The following SEC63 variants were observed in gnomAD, a reference collection of about 807,000 sequenced individuals.
SEC63 encodes SEC63 protein translocation regulator.
SEC63 carries 56 observed loss-of-function variants against 116.2 expected under a neutral mutation model. The observed-to-expected ratio is 0.48, with a 90% CI of 0.39 to 0.60. SEC63 has a LOEUF of 0.60. Ranked by LOEUF, SEC63 falls within the 20% of genes least tolerant of loss-of-function variation. SEC63 has a pLI of 0.00. For synonymous variants in SEC63, 273 were observed against 294.6 expected, an observed-to-expected ratio of 0.93 and a Z score of 0.75; for missense variants, 668 against 900.0, an observed-to-expected ratio of 0.74 and a Z score of 3.30.
At chr6:107,941,389 G>A (rs1409404315) in intron 1 of SEC63, among the ~76,000 whole-genome samples, 2 of 151,916 alleles carry the variant, frequency 1.3e-5, no homozygotes, top group Non-Finnish European at 2.9e-5. Flanking sequence ...CTACTTAGAA[G>A]CTTCCTCAAG....
At chr6:107,948,390 T>A (rs1008488742) in intron 1 of SEC63, among the ~76,000 whole-genome samples, 2 of 152,228 alleles carry the variant, frequency 1.3e-5, no homozygotes, top group Middle Eastern at 3.4e-3. Context: ...TTCTCATGAA[T>A]AAAATGAGAT....
At chr6:107,920,620 G>A (rs914971282) in intron 4 of SEC63, among the ~76,000 whole-genome samples, 18 of 152,148 alleles carry the variant, frequency 1.2e-4, no homozygotes, top group Admixed American at 7.9e-4. Flanking sequence ...TTATTTACAC[G>A]TTTAAATTGA....
chr6:107,908,526 C>T (rs570587294), intron 8 of SEC63, among the ~76,000 whole-genome samples: 187 of 152,224 alleles, frequency 1.2e-3, no homozygotes, highest in African/African-American at 4.4e-3. Flanking sequence ...GAGAGTGTTA[C>T]TTTTCGGTGC....
At chr6:107,953,427 C>A (rs1770620482) in intron 1 of SEC63, among the ~76,000 whole-genome samples, 1 of 151,564 alleles carries the variant, frequency 6.6e-6, no homozygotes, top group Non-Finnish European at 1.5e-5. Context: ...GCCAGCCGCC[C>A]CGTCCGGGAG....
chr6:107,915,138 A>C (rs1444847682), intron 4 of SEC63, among the ~76,000 whole-genome samples: 2 of 152,214 alleles, frequency 1.3e-5, no homozygotes, highest in African/African-American at 4.8e-5. Flanking sequence ...TATAATTCAC[A>C]TTTAACAAGC....
rs937593337 is a variant in SEC63, at chr6:107,957,625, G to A, written c.124+261C>T. 8 of 300,678 alleles carry A rather than the reference G, an allele frequency of 2.7e-5. No homozygotes were observed. The Middle Eastern group carries it at 2.8e-3, about 104-fold the overall frequency. 18.6% of individuals were successfully genotyped at this position (300,678 alleles called of 1,614,324 possible). ...AGGCAGAGAAGACAAAGAGGCAGGA[G>A]GAGGCTGCAAGGAGCGTCCACAACA... On this transcript the variant is annotated intron_variant, in intron 1 of 20. Coordinates refer to ENST00000369002, the MANE Select transcript of SEC63 (RefSeq NM_007214.5).
intron 16 of SEC63, 141 bp downstream of exon 16, chr6:107,893,341 G>A (rs772206243): frequency 1.4e-6 from 1 of 730,994 alleles, no homozygotes; most frequent in East Asian, 2.7e-5. Flanking sequence ...CTCACTGACT[G>A]AGAAGAGCAC....
intron 8 of SEC63, 148 bp from the exon 9 acceptor site, chr6:107,906,925 T>A: frequency 1.5e-6 from 1 of 675,702 alleles, no homozygotes; most frequent in Non-Finnish European, 2.6e-6. Flanking sequence ...CAAGTATTTA[T>A]TTCTTCCATA....
intron 1 of SEC63, among the ~76,000 whole-genome samples, chr6:107,956,366 CA>C (rs1770711513): frequency 6.6e-6 from 1 of 152,092 alleles, no homozygotes; most frequent in Admixed American, 6.5e-5. Context: ...ATACAACAAC[CA>C]CAAGAATGGC....
At chr6:107,895,703 A>T (rs1176151516) in intron 14 of SEC63, among the ~76,000 whole-genome samples, 3 of 151,710 alleles carry the variant, frequency 2.0e-5, no homozygotes, top group Non-Finnish European at 2.9e-5. Context: ...AGTCTCTACC[A>T]GTTGACTCAG....
intron 4 of SEC63, among the ~76,000 whole-genome samples, chr6:107,921,533 C>G (rs934935659): frequency 5.9e-5 from 9 of 151,840 alleles, no homozygotes; most frequent in African/African-American, 2.2e-4. Context: ...CTCACTGCAG[C>G]CTTGACCTCC....
intron 1 of SEC63, chr6:107,932,362 T>C (rs369691932): frequency 2.6e-5 from 4 of 152,162 alleles, no homozygotes; most frequent in African/African-American, 4.8e-5. Flanking sequence ...ACTTGGCATA[T>C]AGAAGGTTCC....
intron 1 of SEC63, among the ~76,000 whole-genome samples, chr6:107,948,325 C>T (rs569561225): frequency 2.0e-5 from 3 of 152,314 alleles, no homozygotes; most frequent in South Asian, 2.1e-4. Context: ...AACAGTCTTC[C>T]ACCTGGTAGC....
chr6:107,935,064 A>G (rs975670496), intron 1 of SEC63, among the ~76,000 whole-genome samples: 2 of 114,968 alleles, frequency 1.7e-5, no homozygotes, highest in Non-Finnish European at 3.6e-5. Flanking sequence ...AGCCGCCCCT[A>G]CTGGGAAGTG....
At chr6:107,878,956 A>G (rs1448456582) in intron 18 of SEC63, among the ~76,000 whole-genome samples, 3 of 151,722 alleles carry the variant, frequency 2.0e-5, no homozygotes, top group Admixed American at 6.6e-5. Flanking sequence ...ACAGATTTCT[A>G]TGAGTTACCT....
chr6:107,958,196 G>C lies in SEC63; in HGVS notation c.-187C>G, dbSNP rs916848283. 2.4e-5 allele frequency: 20 copies of C among 820,620 alleles called. No homozygotes were observed. The South Asian group carries it at 3.0e-4, about 12-fold the overall frequency. The allele number at this position is 820,620 out of a possible 1,614,324, so 50.8% of individuals were successfully genotyped here. ...TCTGCCGCTGCCGCCGCCGTCGCCA[G>C]CTCTCGCGAGAGGAGATAGTTCCCG... On this transcript the variant is annotated 5_prime_UTR_variant, in exon 1 of 21. Coordinates refer to ENST00000369002, the MANE Select transcript of SEC63 (RefSeq NM_007214.5).
intron 1 of SEC63, among the ~76,000 whole-genome samples, chr6:107,951,956 G>A (rs1770587950): frequency 6.9e-6 from 1 of 145,818 alleles, no homozygotes; most frequent in Admixed American, 6.8e-5. Context: ...TTGGGTGACA[G>A]AGCGAGACTC....
intron 4 of SEC63, among the ~76,000 whole-genome samples, chr6:107,914,543 T>A (rs972755621): frequency 1.3e-5 from 2 of 152,168 alleles, no homozygotes; most frequent in African/African-American, 2.4e-5. Flanking sequence ...ATGTCTTTAA[T>A]CCTTATTTAA....
intron 14 of SEC63, among the ~76,000 whole-genome samples, chr6:107,894,627 A>G (rs1786771658): frequency 1.3e-5 from 2 of 152,222 alleles, no homozygotes; most frequent in South Asian, 4.1e-4. Flanking sequence ...GTAAGCATCT[A>G]TACTAGAAGA....
Sources: allele counts gnomAD v4.1 joint callset (sites outside exome capture counted in the v4.1 genomes callset), GRCh38; gene constraint gnomAD v4.1.1; transcripts MANE v1.5; gene names NCBI Gene and HGNC (gene_info 2026-07-23, HGNC 2026-07-21).